The following SLC1A7 variants were observed in gnomAD, a reference collection of about 807,000 sequenced individuals.
SLC1A7 encodes excitatory amino acid transporter 5.
SLC1A7 carries 40 observed loss-of-function variants against 47.7 expected under a neutral mutation model. That is an observed-to-expected ratio of 0.84 (90% CI 0.65 to 1.09). SLC1A7 has a LOEUF of 1.09. Among genes scored for constraint, SLC1A7 ranks in the 50% least tolerant of loss-of-function variants. SLC1A7 has a pLI of 0.00. For missense variants in SLC1A7, 746 were observed against 769.5 expected, an observed-to-expected ratio of 0.97 and a Z score of 0.36; for synonymous variants, 323 against 325.6, an observed-to-expected ratio of 0.99 and a Z score of 0.09.
chr1:53,126,558 C>T (rs1423323054), intron 2 of SLC1A7, among the ~76,000 whole-genome samples: 2 of 152,212 alleles, frequency 1.3e-5, no homozygotes, highest in Non-Finnish European at 2.9e-5. Context: ...CAGAGAGGCT[C>T]TGGCCAGAGC....
At chr1:53,093,702 CCTCCACTCTACTA>C (rs1192408613) in intron 5 of SLC1A7, 142 bp from the exon 6 acceptor site, 1 of 630,772 alleles carries the variant, frequency 1.6e-6, no homozygotes, top group Non-Finnish European at 2.8e-6. Context: ...CCTCTCTCCT[CCTCCACTCTACTA>C]CCGATCCCAC....
intron 2 of SLC1A7, among the ~76,000 whole-genome samples, chr1:53,119,693 T>G (rs570305871): frequency 3.3e-5 from 5 of 152,302 alleles, no homozygotes; most frequent in Non-Finnish European, 5.9e-5. Flanking sequence ...AAAGCCATTT[T>G]AGTTCAATCT....
At chr1:53,136,170 A>G (rs1644991547) in intron 1 of SLC1A7, among the ~76,000 whole-genome samples, 1 of 147,028 alleles carries the variant, frequency 6.8e-6, no homozygotes, top group African/African-American at 2.5e-5. Flanking sequence ...TATATATAAA[A>G]TAATATATAT....
chr1:53,134,093 T>C (rs1158205660), intron 2 of SLC1A7, among the ~76,000 whole-genome samples: 6 of 152,178 alleles, frequency 3.9e-5, no homozygotes, highest in Non-Finnish European at 7.3e-5. Flanking sequence ...TGAGCTATCT[T>C]GGAGTCGGGT....
intron 2 of SLC1A7, among the ~76,000 whole-genome samples, chr1:53,121,499 T>C (rs571474080): frequency 6.6e-6 from 1 of 152,318 alleles, no homozygotes; most frequent in African/African-American, 2.4e-5. Flanking sequence ...GAGATCAGCT[T>C]CAGGACTCTG....
intron 9 of SLC1A7, 105 bp from the exon 10 acceptor site, chr1:53,089,084 T>A: frequency 2.3e-6 from 2 of 882,598 alleles, no homozygotes; most frequent in South Asian, 1.4e-5. Flanking sequence ...CCAGCTGTCA[T>A]GCAAAGCCTG....
chr1:53,123,784 C>T (rs560342517), intron 2 of SLC1A7, among the ~76,000 whole-genome samples: 59 of 152,358 alleles, frequency 3.9e-4, no homozygotes, highest in Admixed American at 3.3e-3. Flanking sequence ...TGACCCCACC[C>T]GCAGCCCACA....
intron 3 of SLC1A7, among the ~76,000 whole-genome samples, chr1:53,113,540 C>T (rs1178585647): frequency 2.0e-5 from 3 of 152,164 alleles, no homozygotes; most frequent in Non-Finnish European, 4.4e-5. Flanking sequence ...CCTACTCACC[C>T]ACCTCCTGCT....
intron 5 of SLC1A7, among the ~76,000 whole-genome samples, chr1:53,094,855 C>T (rs1371290792): frequency 6.6e-6 from 1 of 152,214 alleles, no homozygotes; most frequent in African/African-American, 2.4e-5. Flanking sequence ...CCTAGTGTGG[C>T]ACGGGGGCTC....
intron 5 of SLC1A7, among the ~76,000 whole-genome samples, chr1:53,096,651 C>T (rs778861576): frequency 6.6e-6 from 1 of 150,476 alleles, no homozygotes; most frequent in South Asian, 2.1e-4. Flanking sequence ...GGTACACTCA[C>T]ACATCCACAC....
intron 4 of SLC1A7, among the ~76,000 whole-genome samples, chr1:53,104,450 A>C (rs778024003): frequency 6.6e-6 from 1 of 152,212 alleles, no homozygotes; most frequent in Non-Finnish European, 1.5e-5. Flanking sequence ...ATTGGCTGAA[A>C]GAGTTAGCTT....
chr1:53,134,226 A>G (rs1644968463), intron 2 of SLC1A7, 124 bp downstream of exon 2: 2 of 637,314 alleles, frequency 3.1e-6, no homozygotes, highest in Non-Finnish European at 5.5e-6. Flanking sequence ...TAAAGGCCCC[A>G]CGGTCACACT....
At chr1:53,093,620 G>A (rs543136533) in intron 5 of SLC1A7, 60 bp from the exon 6 acceptor site, 2 of 1,352,140 alleles carry the variant, frequency 1.5e-6, no homozygotes, top group Non-Finnish European at 2.0e-6. Flanking sequence ...GCCCACATGG[G>A]TCTCAGCATG....
chr1:53,121,214 G>A (rs1414973771), intron 2 of SLC1A7, among the ~76,000 whole-genome samples: 1 of 152,246 alleles, frequency 6.6e-6, no homozygotes, highest in Non-Finnish European at 1.5e-5. Flanking sequence ...CCTGGGTGCA[G>A]GGTTGCTGAT....
intron 1 of SLC1A7, among the ~76,000 whole-genome samples, chr1:53,136,652 T>TATA (rs1394493014): frequency 4.8e-5 from 2 of 42,054 alleles, no homozygotes; most frequent in African/African-American, 2.1e-4. Context: ...CATATATATA[T>TATA]TATATATATA....
chr1:53,114,481 C>A, intron 3 of SLC1A7: 1 of 476,144 alleles, frequency 2.1e-6, no homozygotes, highest in Non-Finnish European at 3.8e-6. Flanking sequence ...GCCTCCCACC[C>A]TACAGGCTGG....
chr1:53,139,936 C>T (rs77246668), intron 1 of SLC1A7, among the ~76,000 whole-genome samples: 12,224 of 152,184 alleles, frequency 0.08, 605 homozygotes, highest in African/African-American at 0.14. Flanking sequence ...TTAAATGAGA[C>T]ACTCATACAC....
At chr1:53,107,088 G>A (rs368661766) in intron 3 of SLC1A7, among the ~76,000 whole-genome samples, 73 of 150,394 alleles carry the variant, frequency 4.9e-4, no homozygotes, top group Non-Finnish European at 7.5e-4. Context: ...CCCGGGAGGC[G>A]GAGGTTGCAG....
At chr1:53,115,188 C>G in intron 2 of SLC1A7, 1 of 596,606 alleles carries the variant, frequency 1.7e-6, no homozygotes, top group Non-Finnish European at 3.0e-6. Flanking sequence ...ACATCTGTGC[C>G]TTGAGACCTC....
Sources: allele counts gnomAD v4.1 joint callset (sites outside exome capture counted in the v4.1 genomes callset), GRCh38; gene constraint gnomAD v4.1.1; transcripts MANE v1.5; gene names NCBI Gene and HGNC (gene_info 2026-07-23, HGNC 2026-07-21).